TRPM3: variants seen among roughly 807,000 people sequenced by gnomAD.
The protein encoded by TRPM3 is transient receptor potential cation channel subfamily M member 3.
TRPM3 carries 77 observed loss-of-function variants against 181.2 expected under a neutral mutation model. The ratio of observed to expected loss-of-function variants is 0.42; its 90% CI spans 0.35 to 0.51. The LOEUF is 0.51. Ranked by LOEUF, TRPM3 falls within the 20% of genes least tolerant of loss-of-function variation. The pLI is 0.01. For missense variants in TRPM3, 1,759 were observed against 2,196.7 expected (o/e 0.80, Z 3.98); for synonymous variants, 745 against 796.4 (o/e 0.94, Z 1.09).
chr9:71,391,072 G>A (rs565436679), intron 1 of TRPM3, among the ~76,000 whole-genome samples: 3 of 151,902 alleles, frequency 2.0e-5, no homozygotes, highest in South Asian at 4.2e-4. Context: ...ATATTTTCCC[G>A]AGTCTTGATG....
chr9:70,637,821 TAGG>T lies in TRPM3; in HGVS notation c.1581+1236_1581+1238del, dbSNP rs576781185. 3.2e-4 allele frequency among the ~76,000 whole-genome samples: 48 copies of T among 152,252 alleles called. 1 individual carries two copies. In the South Asian group the frequency reaches 9.8e-3, roughly 31 times the overall value. ...TGGGTTCGGTACTTACTGGCTTTCT[TAGG>T]AGTTTTGTGACCTTGAATTCACCTT... On this transcript the variant is annotated intron_variant, in intron 11 of 25. Transcript: ENST00000677713.
intron 1 of TRPM3, among the ~76,000 whole-genome samples, chr9:71,263,069 T>C (rs1303427029): frequency 6.6e-6 from 1 of 152,206 alleles, no homozygotes; most frequent in African/African-American, 2.4e-5. Flanking sequence ...TTAAGGCAAA[T>C]TGGAAAAACT....
chr9:71,358,681 A>C (rs1274277923), intron 1 of TRPM3, among the ~76,000 whole-genome samples: 1 of 152,210 alleles, frequency 6.6e-6, no homozygotes, highest in Non-Finnish European at 1.5e-5. Context: ...TAGTTAGGAA[A>C]CTAGAAAGAA....
chr9:70,914,843 C>T (rs111382482), intron 1 of TRPM3, among the ~76,000 whole-genome samples: 2,980 of 152,262 alleles, frequency 0.02, 50 homozygotes, highest in East Asian at 0.048. Flanking sequence ...TGTCCAAGAC[C>T]ATCAAGACAG....
At chr9:70,800,410 C>T (rs1222261705) in intron 6 of TRPM3, among the ~76,000 whole-genome samples, 1 of 152,168 alleles carries the variant, frequency 6.6e-6, no homozygotes. Context: ...AGGCACTCAG[C>T]CAGGTGGGTT....
intron 1 of TRPM3, among the ~76,000 whole-genome samples, chr9:70,872,583 A>C (rs2095806445): frequency 6.6e-6 from 1 of 151,846 alleles, no homozygotes. Flanking sequence ...TATTTTCCTC[A>C]TAGTCCCTCA....
chr9:71,036,438 C>T (rs1469592773), intron 1 of TRPM3, among the ~76,000 whole-genome samples: 1 of 152,158 alleles, frequency 6.6e-6, no homozygotes, highest in African/African-American at 2.4e-5. Context: ...CTCAGCACAA[C>T]CAAATTTCAC....
chr9:70,874,595 G>A (rs932853332), intron 1 of TRPM3, among the ~76,000 whole-genome samples: 2 of 151,900 alleles, frequency 1.3e-5, no homozygotes, highest in Non-Finnish European at 2.9e-5. Flanking sequence ...CCTTAATTCT[G>A]TTTAGCTTTC....
chr9:70,956,339 C>T (rs2133762689), intron 1 of TRPM3, among the ~76,000 whole-genome samples: 2 of 102,206 alleles, frequency 2.0e-5, no homozygotes, highest in Non-Finnish European at 3.7e-5. Flanking sequence ...GCACTGGCTT[C>T]TGTTAATTAA....
intron 20 of TRPM3, 33 bp from the exon 21 acceptor site, chr9:70,598,703 T>C (rs756762215): frequency 1.0e-5 from 16 of 1,599,234 alleles, no homozygotes; most frequent in Non-Finnish European, 1.4e-5. Context: ...GAGTTAGGTC[T>C]GGTTTCTGTC....
intron 1 of TRPM3, among the ~76,000 whole-genome samples, chr9:70,967,783 A>AT (rs1376733185): frequency 6.6e-6 from 1 of 152,126 alleles, no homozygotes; most frequent in East Asian, 1.9e-4. Context: ...AGGGTGATTT[A>AT]TATAGGGTTT....
chr9:71,333,090 G>A (rs77575307), intron 1 of TRPM3, among the ~76,000 whole-genome samples: 14,009 of 151,734 alleles, frequency 0.092, 1,159 homozygotes, highest in African/African-American at 0.2. Context: ...TTTGAACTGT[G>A]CAACAAATAT....
At chr9:70,880,541 A>C (rs2095970535) in intron 1 of TRPM3, among the ~76,000 whole-genome samples, 1 of 152,102 alleles carries the variant, frequency 6.6e-6, no homozygotes, top group Admixed American at 6.6e-5. Flanking sequence ...CAGGGTCCTA[A>C]ACAGGTGGAT....
At chr9:70,577,987 C>T (rs868146078) in intron 22 of TRPM3, among the ~76,000 whole-genome samples, 77 of 152,168 alleles carry the variant, frequency 5.1e-4, no homozygotes, top group African/African-American at 1.8e-3. Flanking sequence ...AGCTCTTGTT[C>T]AGAATATTAA....
At chr9:70,828,403 T>G (rs1234845100) in intron 5 of TRPM3, among the ~76,000 whole-genome samples, 1 of 152,200 alleles carries the variant, frequency 6.6e-6, no homozygotes, top group East Asian at 1.9e-4. Flanking sequence ...ATGTCCATAC[T>G]TTAACAGGCA....
At chr9:71,420,805 GAGAAAGAA>G (rs1184336727) in intron 1 of TRPM3, among the ~76,000 whole-genome samples, 4 of 12,976 alleles carry the variant, frequency 3.1e-4, no homozygotes, top group Non-Finnish European at 8.3e-4. Context: ...GAAAGAAAGA[GAGAAAGAA>G]AGAGAGAAAG....
chr9:71,280,277 T>C (rs2084601150), intron 1 of TRPM3, among the ~76,000 whole-genome samples: 1 of 152,180 alleles, frequency 6.6e-6, no homozygotes, highest in East Asian at 1.9e-4. Context: ...TAAAATTTAC[T>C]GCCTATTTTT....
At chr9:71,060,548 A>G (rs1420778254) in intron 1 of TRPM3, among the ~76,000 whole-genome samples, 4 of 152,132 alleles carry the variant, frequency 2.6e-5, no homozygotes, top group Non-Finnish European at 5.9e-5. Flanking sequence ...CCCTACAGCT[A>G]TTAAGGGGTA....
At position 71,133,604 on chromosome 9, in the gene TRPM3, T is replaced by C. The variant is rs535549092; in HGVS notation, c.184-269093A>G. 3.3e-5 allele frequency among the ~76,000 whole-genome samples: 5 copies of C among 152,318 alleles called. No individual in the cohort carries two copies. In the East Asian group the frequency reaches 9.7e-4, roughly 29 times the overall value. The stretch of plus-strand genomic sequence containing the variant: ...TGAGCCACTGCGCCCGGCTGCTTCT[T>C]CTTTTATTAGAGTTTTAATTTTCTT... On this transcript the variant is annotated intron_variant, in intron 1 of 24. Transcript: ENST00000357533.
Sources: allele counts gnomAD v4.1 joint callset (sites outside exome capture counted in the v4.1 genomes callset), GRCh38; gene constraint gnomAD v4.1.1; transcripts MANE v1.5; gene names NCBI Gene and HGNC (gene_info 2026-07-23, HGNC 2026-07-21).